The following PRKDC variants were observed in gnomAD, a reference collection of about 807,000 sequenced individuals.
PRKDC encodes the protein protein kinase, DNA-activated, catalytic subunit, also known as DNA-dependent protein kinase catalytic subunit.
PRKDC carries 82 observed loss-of-function variants against 486.9 expected under a neutral mutation model. The ratio of observed to expected loss-of-function variants is 0.17; its 90% CI spans 0.14 to 0.20. The LOEUF (loss-of-function observed/expected upper bound fraction) is 0.20. PRKDC is among the 10% of genes least tolerant of loss of function. PRKDC has a pLI of 1.00. For synonymous variants in PRKDC, 1,895 were observed against 1,837.0 expected, an observed-to-expected ratio of 1.03 and a Z score of -0.81; for missense variants, 4,504 against 5,038.2, an observed-to-expected ratio of 0.89 and a Z score of 3.21.
intron 30 of PRKDC, among the ~76,000 whole-genome samples, chr8:47,896,557 GA>G (rs916801501): frequency 6.6e-6 from 1 of 151,296 alleles, no homozygotes; most frequent in Non-Finnish European, 1.5e-5. Flanking sequence ...TGAGGCAAGA[GA>G]ACGGCGTGAA....
chr8:47,859,029 A>G lies in PRKDC; in HGVS notation c.6208-43T>C, dbSNP rs1197226460. 1.9e-6 allele frequency: 3 copies of G among 1,603,778 alleles called. No homozygotes were observed. The Admixed American group carries it at 5.0e-5, about 27-fold the overall frequency. On this transcript the variant is annotated intron_variant, in intron 46 of 85. Coordinates refer to ENST00000314191, the MANE Select transcript of PRKDC (RefSeq NM_006904.7). ...CAGGAGAGCAGAGGGTACAGTTAAC[A>G]TTCAGTGGACAAGGCAGTGGATGTG...
intron 80 of PRKDC, among the ~76,000 whole-genome samples, chr8:47,780,272 G>C (rs1333704100): frequency 1.3e-5 from 2 of 152,148 alleles, no homozygotes; most frequent in Admixed American, 6.5e-5. Context: ...TCCATAGTAA[G>C]TATGAGAAAA....
In PRKDC at chr8:47,955,967, A is replaced by T. The variant is rs8178003; in HGVS notation, c.325-19T>A. 2.0e-6 allele frequency: 3 copies of T among 1,507,364 alleles called. No homozygotes were observed. In the Admixed American group the frequency reaches 5.8e-5, roughly 29 times the overall value. The allele number at this position is 1,507,364 out of a possible 1,614,324, so 93.4% of individuals were successfully genotyped here. The stretch of plus-strand genomic sequence containing the variant: ...AAGTGTTCTAGGTTTTAAAAAAAAA[A>T]TAACCAAAATCATCAATAAGATATA... On this transcript the variant is annotated intron_variant, in intron 3 of 85. Transcript: ENST00000314191.
intron 11 of PRKDC, among the ~76,000 whole-genome samples, chr8:47,937,566 T>C (rs1277467533): frequency 1.3e-5 from 2 of 152,202 alleles, no homozygotes; most frequent in African/African-American, 4.8e-5. Flanking sequence ...ATTTCAGACT[T>C]TTCCAAGGCT....
At chr8:47,806,078 C>T (rs1236604425) in intron 69 of PRKDC, among the ~76,000 whole-genome samples, 2 of 152,212 alleles carry the variant, frequency 1.3e-5, no homozygotes, top group Non-Finnish European at 2.9e-5. Flanking sequence ...CCCATAAAGC[C>T]TACCCTAAAT....
chr8:47,799,112 A>T (rs980238771), intron 72 of PRKDC, 98 bp downstream of exon 72: 1 of 1,425,918 alleles, frequency 7.0e-7, no homozygotes, highest in Non-Finnish European at 9.5e-7. Flanking sequence ...AATATTTGTA[A>T]TTTGAAAACA....
chr8:47,919,643 G>T (rs901524489), intron 21 of PRKDC, among the ~76,000 whole-genome samples: 9 of 151,338 alleles, frequency 5.9e-5, no homozygotes, highest in African/African-American at 2.2e-4. Flanking sequence ...TCTCTAGCTA[G>T]TTCTTTTCCT....
chr8:47,929,212 C>A (rs1431871018), intron 18 of PRKDC, 34 bp from the exon 19 acceptor site: 3 of 1,416,546 alleles, frequency 2.1e-6, no homozygotes, highest in Non-Finnish European at 2.0e-6. Flanking sequence ...GTACACTGAA[C>A]AAGAATCGGG....
chr8:47,830,478 T>G, intron 61 of PRKDC, 127 bp downstream of exon 61: 1 of 1,314,602 alleles, frequency 7.6e-7, no homozygotes. Flanking sequence ...AAGTCCACCG[T>G]TGAGGACAAA....
Position 47,798,316 on chromosome 8 carries a change from T to C in PRKDC, c.10379A>G (p.Glu3460Gly). 6.2e-7 allele frequency: 1 copy of C among 1,613,694 alleles called. No individual in the cohort carries two copies. The highest frequency in any genetic ancestry group is 8.5e-7 in the Non-Finnish European group (1 of 1,179,774). Reference sequence around the variant, plus strand: ...TAATCTAGGAAACTTCAATCTGGCTTCATTGGAATTTAATTTTAAAGCTTT... The same window carrying C: ...TAATCTAGGAAACTTCAATCTGGCTCCATTGGAATTTAATTTTAAAGCTTT... ...MLKALKLNSN[E>G]ARLKFPRLLQ... The change falls in exon 73 of 86, where the codon GAA (glutamate) becomes GGA (glycine). Residue 3460 changes from glutamate (E) to glycine (G), a missense_variant. Glu to Gly is a moderately conservative substitution (Grantham distance 98, BLOSUM62 -2). This residue lies in a region of PRKDC where 706 missense variants were observed against 945.0 expected (regional missense o/e 0.75). Coordinates refer to ENST00000314191, the MANE Select transcript of PRKDC (RefSeq NM_006904.7).
intron 38 of PRKDC, among the ~76,000 whole-genome samples, chr8:47,881,137 G>A (rs1214842239): frequency 6.6e-6 from 1 of 152,020 alleles, no homozygotes; most frequent in Admixed American, 6.6e-5. Flanking sequence ...GTCTTGGAGA[G>A]GCACACTGAA....
chr8:47,912,882 G>C (rs1369250648), intron 24 of PRKDC, among the ~76,000 whole-genome samples: 1 of 152,120 alleles, frequency 6.6e-6, no homozygotes, highest in Non-Finnish European at 1.5e-5. Context: ...ATCACTTTAA[G>C]TAAAAATATT....
chr8:47,828,279 T>C lies in PRKDC; in HGVS notation c.8466A>G (p.Lys2822=), dbSNP rs888671440. The change falls in exon 62 of 86, where the codon AAA becomes AAG. Residue 2822 remains lysine (K), a synonymous_variant. Coordinates refer to ENST00000314191, the MANE Select transcript of PRKDC (RefSeq NM_006904.7). ...TGTTTTTTTCAGACAGTGTCTTAAATTTATCCATCTCTTTCAAAATTCCAG... is the reference window on the plus strand; with the variant it reads ...TGTTTTTTTCAGACAGTGTCTTAAACTTATCCATCTCTTTCAAAATTCCAG... ...LFSGILKEMD[K]FKTLSEKNNI... 6.2e-7 allele frequency: 1 copy of C among 1,610,568 alleles called. No individual in the cohort carries two copies. The highest frequency in any genetic ancestry group is 1.7e-5 in the Admixed American group (1 of 59,442).
At chr8:47,802,413 C>T (rs75840615) in intron 70 of PRKDC, among the ~76,000 whole-genome samples, 5 of 152,124 alleles carry the variant, frequency 3.3e-5, no homozygotes, top group East Asian at 1.9e-4. Context: ...CAAACCCAAA[C>T]CTGTACAAGA....
At chr8:47,831,741 A>G in intron 60 of PRKDC, 73 bp downstream of exon 60, 2 of 1,494,166 alleles carry the variant, frequency 1.3e-6, no homozygotes, top group South Asian at 2.3e-5. Context: ...TCTGGCAGGA[A>G]GCCTGTTCAC....
intron 16 of PRKDC, among the ~76,000 whole-genome samples, chr8:47,931,929 C>T (rs2090262432): frequency 6.6e-6 from 1 of 152,162 alleles, no homozygotes; most frequent in South Asian, 2.1e-4. Context: ...CTCACTCTGT[C>T]ACCCAGGCTG....
At chr8:47,803,177 T>G (rs1270051678) in intron 70 of PRKDC, 129 bp downstream of exon 70, 1 of 891,770 alleles carries the variant, frequency 1.1e-6, no homozygotes, top group African/African-American at 1.7e-5. Context: ...CACTTTGCTA[T>G]ATTCCCTGAA....
intron 11 of PRKDC, among the ~76,000 whole-genome samples, chr8:47,939,262 A>G (rs561979782): frequency 1.2e-4 from 18 of 152,326 alleles, no homozygotes; most frequent in African/African-American, 4.3e-4. Context: ...AGGCCTCCTC[A>G]GTATACCTAA....
Position 47,821,531 on chromosome 8 carries a change from T to C in PRKDC, c.9111+73A>G, listed in dbSNP as rs2087595294. ...AAGTACTACCTGTTTTTGAAATGTT[T>C]TAAACAATTTTGTTAAGTAGAAAAC... On this transcript the variant is annotated intron_variant, in intron 65 of 85. Transcript: ENST00000314191. The C allele has an allele frequency of 3.9e-5, 57 of 1,452,334 alleles. No homozygotes were observed. In the South Asian group the frequency reaches 6.6e-4, roughly 17 times the overall value. The allele number at this position is 1,452,334 out of a possible 1,614,324, so 90.0% of individuals were successfully genotyped here.
Sources: gnomAD v4.1 joint callset for allele counts (sites outside exome capture counted in the v4.1 genomes callset) on GRCh38, gnomAD v4.1.1 for gene constraint, gnomAD v4.1.1 regional missense constraint, MANE v1.5 for transcripts, NCBI Gene and HGNC (gene_info 2026-07-23, HGNC 2026-07-21) for gene names.